CNTN6: variants seen among roughly 807,000 people sequenced by gnomAD.
The protein encoded by CNTN6 is contactin 6, also known as contactin-6.
CNTN6 carries 137 observed loss-of-function variants against 122.8 expected under a neutral mutation model. The ratio of observed to expected loss-of-function variants is 1.12; its 90% confidence interval spans 0.97 to 1.29. CNTN6 has a LOEUF of 1.29. Ranked by LOEUF, CNTN6 falls within the 50% of genes most tolerant of loss-of-function variation. The pLI is 0.00. For synonymous variants in CNTN6, 570 were observed against 426.0 expected (o/e 1.34, Z -4.16); for missense variants, 1,634 against 1,223.4 (o/e 1.34, Z -5.01).
intron 2 of CNTN6, among the ~76,000 whole-genome samples, chr3:1,202,333 T>A (rs4684802): frequency 7.9e-5 from 12 of 151,518 alleles, no homozygotes; most frequent in Non-Finnish European, 1.8e-4. Flanking sequence ...GAGCTCAGGA[T>A]ATCAAGACCA....
At chr3:1,131,551 A>C (rs986627661) in intron 1 of CNTN6, among the ~76,000 whole-genome samples, 2 of 152,046 alleles carry the variant, frequency 1.3e-5, no homozygotes, top group African/African-American at 4.8e-5. Flanking sequence ...TGCTCACTAA[A>C]CTCAAGTGAA....
At chr3:1,256,779 A>G (rs1432751259) in intron 4 of CNTN6, among the ~76,000 whole-genome samples, 1 of 152,154 alleles carries the variant, frequency 6.6e-6, no homozygotes, top group African/African-American at 2.4e-5. Flanking sequence ...CTTTACCATA[A>G]TTATTCTAAA....
intron 2 of CNTN6, among the ~76,000 whole-genome samples, chr3:1,192,686 T>C (rs886686611): frequency 5.3e-5 from 8 of 151,942 alleles, no homozygotes; most frequent in African/African-American, 1.9e-4. Context: ...ACAACAAAGA[T>C]AGCAATGACA....
chr3:1,304,778 G>A (rs1372368704), intron 7 of CNTN6, among the ~76,000 whole-genome samples: 1 of 152,068 alleles, frequency 6.6e-6, no homozygotes, highest in Admixed American at 6.5e-5. Flanking sequence ...TGGATCACGA[G>A]GTCAGGAGTT....
intron 11 of CNTN6, among the ~76,000 whole-genome samples, chr3:1,341,174 C>A (rs562569633): frequency 6.0e-5 from 9 of 150,190 alleles, no homozygotes; most frequent in Non-Finnish European, 1.3e-4. Flanking sequence ...ACTTTGGGAG[C>A]ATAGTTTGTT....
chr3:1,300,486 AGGAAGG>A lies in CNTN6; in HGVS notation c.761+2496_761+2501del, dbSNP rs1559754109. Among the ~76,000 whole-genome samples the A allele has an allele frequency of 5.7e-4, 71 of 124,608 alleles. 1 individual carries two copies. The Middle Eastern group carries it at 0.011, about 20-fold the overall frequency. The allele number at this position is 124,608 out of a possible 152,430, so 81.7% of individuals were successfully genotyped here. On this transcript the variant is annotated intron_variant, in intron 7 of 22. Coordinates refer to ENST00000446702, the MANE Select transcript of CNTN6 (RefSeq NM_001289080.2). ...AAGGAAGGAAGGAAGGAAGGAAGGA[AGGAAGG>A]AAAAAGAAAAGAAAGAGAAAGAAAG...
At chr3:1,152,427 T>C (rs78288038) in intron 2 of CNTN6, among the ~76,000 whole-genome samples, 25,242 of 151,946 alleles carry the variant, frequency 0.17, 3,181 homozygotes, top group African/African-American at 0.34. Flanking sequence ...GCATGAGACA[T>C]CACAACCGGT....
At chr3:1,330,781 C>T (rs546470467) in intron 11 of CNTN6, among the ~76,000 whole-genome samples, 10 of 151,942 alleles carry the variant, frequency 6.6e-5, no homozygotes, top group African/African-American at 1.7e-4. Context: ...GAAAGGACAA[C>T]TAAAGTGTGT....
chr3:1,300,869 T>C (rs1697264126), intron 7 of CNTN6, among the ~76,000 whole-genome samples: 1 of 151,792 alleles, frequency 6.6e-6, no homozygotes, highest in African/African-American at 2.4e-5. Context: ...TAAGATCTAA[T>C]CAGGAAAAAT....
intron 1 of CNTN6, among the ~76,000 whole-genome samples, chr3:1,136,610 C>T (rs150772245): frequency 6.6e-6 from 1 of 152,264 alleles, no homozygotes; most frequent in East Asian, 1.9e-4. Flanking sequence ...GGAAGCCTTA[C>T]CCTGTGCCAT....
rs1692152712 is a variant in CNTN6 at position 1,382,992 on chromosome 3, G to A, written c.2217G>A (p.Met739Ile). 2 of 1,614,088 alleles carry A rather than the reference G, an allele frequency of 1.2e-6. No homozygotes were observed. The highest frequency in any genetic ancestry group is 1.1e-5 in the South Asian group (1 of 91,086). Residue 739 changes from methionine to isoleucine, a missense_variant, in exon 18 of 23, where the codon ATG (methionine) becomes ATA (isoleucine). Transcript: ENST00000446702. ...GGGAGGGATTTGGATATATCATCAT[G>A]TTCCGGCCAGTGGGCTCGACAACCT... is the stretch of plus-strand genomic sequence containing the variant. ...QNGEGFGYII[M>I]FRPVGSTTWS...
At chr3:1,356,948 A>G (rs1446727793) in intron 12 of CNTN6, among the ~76,000 whole-genome samples, 1 of 151,880 alleles carries the variant, frequency 6.6e-6, no homozygotes, top group Non-Finnish European at 1.5e-5. Flanking sequence ...ACAAGCAAAA[A>G]CACGCATCAA....
chr3:1,254,437 C>T (rs767945780), intron 4 of CNTN6, among the ~76,000 whole-genome samples: 12 of 152,206 alleles, frequency 7.9e-5, no homozygotes, highest in South Asian at 2.1e-4. Context: ...TTCGTTTCAA[C>T]GAAGGAATGA....
intron 6 of CNTN6, among the ~76,000 whole-genome samples, chr3:1,297,094 C>T (rs1039053209): frequency 3.3e-5 from 5 of 152,062 alleles, no homozygotes; most frequent in African/African-American, 9.7e-5. Flanking sequence ...TACCTTCTCA[C>T]CATAACCTCT....
chr3:1,241,620 G>T (rs550106607), intron 4 of CNTN6, among the ~76,000 whole-genome samples: 1 of 152,142 alleles, frequency 6.6e-6, no homozygotes, highest in East Asian at 1.9e-4. Context: ...TGCCCAAGGG[G>T]GTTCAGCATA....
At chr3:1,300,638 T>A (rs971906544) in intron 7 of CNTN6, among the ~76,000 whole-genome samples, 4 of 151,454 alleles carry the variant, frequency 2.6e-5, no homozygotes, top group African/African-American at 4.9e-5. Flanking sequence ...AGAGATAACA[T>A]GATCAATATA....
At chr3:1,310,195 C>A (rs1033845620) in intron 7 of CNTN6, among the ~76,000 whole-genome samples, 2 of 151,998 alleles carry the variant, frequency 1.3e-5, no homozygotes, top group Non-Finnish European at 2.9e-5. Context: ...TTGCCTTTTT[C>A]CGCTATCCAA....
chr3:1,348,036 G>A (rs17785924), intron 11 of CNTN6, among the ~76,000 whole-genome samples: 14,179 of 151,338 alleles, frequency 0.094, 742 homozygotes, highest in Non-Finnish European at 0.12. Flanking sequence ...TCAGTTCATT[G>A]AAAGCCTACC....
intron 20 of CNTN6, among the ~76,000 whole-genome samples, chr3:1,388,812 A>G (rs1459523742): frequency 2.7e-5 from 4 of 149,420 alleles, no homozygotes; most frequent in Non-Finnish European, 5.9e-5. Context: ...AAAGGGTATC[A>G]GCAATGGAAG....
Sources: allele counts gnomAD v4.1 joint callset (sites outside exome capture counted in the v4.1 genomes callset), GRCh38; gene constraint gnomAD v4.1.1; transcripts MANE v1.5; gene names NCBI Gene and HGNC (gene_info 2026-07-23, HGNC 2026-07-21).